Variants in PDE8B observed in about 807,000 individuals in gnomAD.
PDE8B encodes the protein high affinity cAMP-specific and IBMX-insensitive 3',5'-cyclic phosphodiesterase 8B.
In PDE8B, 26 loss-of-function variants were observed where a neutral mutation model predicts 101.3. The ratio of observed to expected loss-of-function variants is 0.26; its 90% CI spans 0.19 to 0.36. PDE8B has a LOEUF of 0.36. Ranked by LOEUF, PDE8B falls within the 10% of genes least tolerant of loss-of-function variation. PDE8B has a pLI of 1.00. For synonymous variants in PDE8B, 424 were observed against 429.3 expected (o/e 0.99, Z 0.15); for missense variants, 810 against 1,163.1 (o/e 0.70, Z 4.42).
the PDE8B span, chr5:77,100,391 G>A: frequency 6.6e-6 from 1 of 152,228 alleles, no homozygotes; most frequent in East Asian, 1.9e-4. Flanking sequence ...TTTGTGTAAA[G>A]GTAGGAGTAC....
chr5:77,368,530 A>G (rs1335537254), intron 10 of PDE8B, among the ~76,000 whole-genome samples: 1 of 152,148 alleles, frequency 6.6e-6, no homozygotes, highest in Non-Finnish European at 1.5e-5. Context: ...GTCCTTTCGG[A>G]GCCCTGCTGC....
intron 11 of PDE8B, among the ~76,000 whole-genome samples, chr5:77,401,107 C>T (rs973386067): frequency 2.6e-5 from 4 of 152,188 alleles, no homozygotes; most frequent in African/African-American, 7.2e-5. Context: ...AACAAAAGCC[C>T]ATCTCATTGT....
chr5:77,180,526 C>T, the PDE8B span: 1 of 978,002 alleles, frequency 1.0e-6, no homozygotes, highest in Non-Finnish European at 1.2e-6. Flanking sequence ...CCCTCGGCCG[C>T]CCCCTCACAC....
the PDE8B span, among the ~76,000 whole-genome samples, chr5:77,107,053 C>A: frequency 6.6e-6 from 1 of 152,092 alleles, no homozygotes; most frequent in South Asian, 2.1e-4. Flanking sequence ...CCACCCCTCT[C>A]CCCCTACCCT....
At chr5:77,318,165 A>C (rs1033347523) in intron 2 of PDE8B, among the ~76,000 whole-genome samples, 1 of 151,872 alleles carries the variant, frequency 6.6e-6, no homozygotes, top group Non-Finnish European at 1.5e-5. Flanking sequence ...GATTTTATAT[A>C]GTGGAGATCA....
the PDE8B span, among the ~76,000 whole-genome samples, chr5:77,183,165 G>T: frequency 2.6e-5 from 4 of 151,750 alleles, no homozygotes; most frequent in African/African-American, 9.7e-5. Flanking sequence ...TGTTGTCCAG[G>T]CTGTAGTACA....
chr5:77,247,289 A>C (rs1757141523), intron 1 of PDE8B, among the ~76,000 whole-genome samples: 1 of 152,178 alleles, frequency 6.6e-6, no homozygotes, highest in South Asian at 2.1e-4. Context: ...TCCCAATGCC[A>C]GCCCTTTCAG....
intron 1 of PDE8B, among the ~76,000 whole-genome samples, chr5:77,305,240 A>C (rs1295410052): frequency 6.6e-6 from 1 of 152,204 alleles, no homozygotes; most frequent in African/African-American, 2.4e-5. Context: ...ATATTTTTAA[A>C]GTTCCCCAGG....
intron 4 of PDE8B, among the ~76,000 whole-genome samples, chr5:77,331,098 G>T (rs1019687035): frequency 6.6e-5 from 10 of 152,212 alleles, no homozygotes; most frequent in African/African-American, 2.4e-4. Flanking sequence ...TTATGGGACT[G>T]CTCCCATACA....
intron 10 of PDE8B, among the ~76,000 whole-genome samples, chr5:77,360,936 G>C (rs1295784901): frequency 6.6e-6 from 1 of 152,182 alleles, no homozygotes; most frequent in African/African-American, 2.4e-5. Flanking sequence ...ACTGACTTGT[G>C]AGAACTGATT....
chr5:77,168,154 A>C, the PDE8B span, among the ~76,000 whole-genome samples: 1 of 152,250 alleles, frequency 6.6e-6, no homozygotes. Context: ...GACAGGGACG[A>C]TACGAGAGTC....
intron 1 of PDE8B, among the ~76,000 whole-genome samples, chr5:77,271,837 A>T (rs936715283): frequency 3.3e-5 from 5 of 152,324 alleles, no homozygotes; most frequent in African/African-American, 1.2e-4. Context: ...TCTACGGATG[A>T]GAAAACCGAG....
At chr5:77,191,253 A>G in the PDE8B span, among the ~76,000 whole-genome samples, 1 of 152,222 alleles carries the variant, frequency 6.6e-6, no homozygotes, top group Non-Finnish European at 1.5e-5. Context: ...ACTTCAACTT[A>G]GGAATTTTGG....
At chr5:77,102,315 G>A in the PDE8B span, among the ~76,000 whole-genome samples, 1 of 152,188 alleles carries the variant, frequency 6.6e-6, no homozygotes, top group Non-Finnish European at 1.5e-5. Context: ...TTAGGAAAGA[G>A]TCCAGATCTA....
At chr5:77,088,455 A>G in the PDE8B span, 3 of 143,056 alleles carry the variant, frequency 2.1e-5, no homozygotes, top group Admixed American at 2.1e-4. Flanking sequence ...ATCAGGTCAC[A>G]CATGGACTTG....
chr5:77,341,111 G>A (rs1427545614), intron 6 of PDE8B, among the ~76,000 whole-genome samples: 1 of 152,128 alleles, frequency 6.6e-6, no homozygotes, highest in African/African-American at 2.4e-5. Context: ...AGAAGAGTAT[G>A]AATAATTAAT....
At position 77,332,380 on chromosome 5, in the gene PDE8B, G is replaced by A. The variant is rs533357286; in HGVS notation, c.708+921G>A. On this transcript the variant is annotated intron_variant, in intron 5 of 21. Transcript: ENST00000264917. ...TACAGCTTTTGCTGATAATCTAAACGCAAGTAATCCTATAGCATCCTGTGA... is the reference window on the plus strand; with the variant it reads ...TACAGCTTTTGCTGATAATCTAAACACAAGTAATCCTATAGCATCCTGTGA... Among the ~76,000 whole-genome samples the A allele has an allele frequency of 2.6e-5, 4 of 152,180 alleles. No individual in the cohort carries two copies. In the East Asian group the frequency reaches 5.8e-4, roughly 22 times the overall value.
intron 1 of PDE8B, chr5:77,290,369 G>T (rs1346303518): frequency 7.1e-7 from 1 of 1,406,930 alleles, no homozygotes; most frequent in Non-Finnish European, 1.0e-6. Context: ...GGGGAGGCCG[G>T]GGAGAGGTTA....
intron 1 of PDE8B, among the ~76,000 whole-genome samples, chr5:77,307,182 T>C (rs528208775): frequency 1.3e-5 from 2 of 152,266 alleles, no homozygotes; most frequent in East Asian, 3.9e-4. Context: ...ACTTGTTTTC[T>C]CCCCACCAGC....
Sources: allele counts gnomAD v4.1 joint callset (sites outside exome capture counted in the v4.1 genomes callset), GRCh38; gene constraint gnomAD v4.1.1; transcripts MANE v1.5; gene names NCBI Gene and HGNC (gene_info 2026-07-23, HGNC 2026-07-21).